GABBR2: variants seen among roughly 807,000 people sequenced by gnomAD.
GABBR2 encodes the protein G-protein coupled receptor 51.
In GABBR2, 23 loss-of-function variants were observed where a neutral mutation model predicts 105.6. The ratio of observed to expected loss-of-function variants is 0.22; its 90% CI spans 0.16 to 0.31. GABBR2 has a LOEUF of 0.31. Among genes scored for constraint, GABBR2 ranks in the 10% least tolerant of loss-of-function variants. The pLI is 1.00. For synonymous variants in GABBR2, 478 were observed against 499.7 expected (o/e 0.96, Z 0.58); for missense variants, 734 against 1,245.5 (o/e 0.59, Z 6.18).
intron 1 of GABBR2, among the ~76,000 whole-genome samples, chr9:98,585,430 G>C (rs1829055729): frequency 7.0e-6 from 1 of 142,296 alleles, no homozygotes. Context: ...TCATAGGTGG[G>C]AATTGAACAA....
chr9:98,381,230 C>T (rs957616391), intron 11 of GABBR2, among the ~76,000 whole-genome samples: 11 of 152,232 alleles, frequency 7.2e-5, no homozygotes, highest in Admixed American at 3.3e-4. Flanking sequence ...GCTCATTTTA[C>T]AGATGAGAAA....
At chr9:98,370,594 G>T (rs1831761103) in intron 12 of GABBR2, among the ~76,000 whole-genome samples, 1 of 152,182 alleles carries the variant, frequency 6.6e-6, no homozygotes, top group South Asian at 2.1e-4. Context: ...CCTGCTGCAG[G>T]CCTGAGCTGG....
intron 1 of GABBR2, 62 bp from the exon 2 acceptor site, chr9:98,578,134 A>T (rs1443651545): frequency 2.2e-5 from 34 of 1,576,736 alleles, no homozygotes; most frequent in Non-Finnish European, 2.9e-5. Flanking sequence ...CAGGGGCATG[A>T]GCCCAACAAA....
At position 98,389,000 on chromosome 9, in the gene GABBR2, G is replaced by C. The variant is rs55677951; in HGVS notation, c.1383C>G (p.Ser461=). The change falls in exon 10 of 19, where the codon TCC becomes TCG. Residue 461 remains serine, a synonymous_variant. Transcript: ENST00000259455. This position sits in a 1 kb window ranked among gnomAD's most constrained non-coding sequence, Gnocchi z 4.4. ...TGATGGTCTTGTCTTTTGGTGGTTC[G>C]GATCCTAGAGGATCAAGAGAAGACA... ...IINDTIRFQG[S]EPPKDKTIIL... 6.2e-7 allele frequency: 1 copy of C among 1,611,638 alleles called. No individual in the cohort carries two copies. The highest frequency in any genetic ancestry group is 8.5e-7 in the Non-Finnish European group (1 of 1,178,746).
chr9:98,461,899 C>G (rs778440676), intron 6 of GABBR2, among the ~76,000 whole-genome samples: 1 of 152,160 alleles, frequency 6.6e-6, no homozygotes, highest in Non-Finnish European at 1.5e-5. Flanking sequence ...CCTTAAACAG[C>G]CAGATCTCAC....
Position 98,432,356 on chromosome 9 carries a change from G to A in GABBR2, c.1236+21625C>T, listed in dbSNP as rs1588157629. ...GGGGTGGAGTCAGCAGGGCTTGGCA[G>A]ATGGAAGGGAGGAGTTGAAGATGAT... is the stretch of plus-strand genomic sequence containing the variant. On this transcript the variant is annotated intron_variant, in intron 7 of 18. Transcript: ENST00000259455. 3.9e-5 allele frequency among the ~76,000 whole-genome samples: 6 copies of A among 152,358 alleles called. 1 individual carries two copies. The South Asian group carries it at 1.2e-3, about 32-fold the overall frequency.
intron 1 of GABBR2, chr9:98,707,108 G>A (rs375976592): frequency 6.6e-6 from 1 of 152,240 alleles, no homozygotes; most frequent in Non-Finnish European, 1.5e-5. Context: ...TGAAGCGGGG[G>A]AGGCAGGGAA....
chr9:98,465,362 A>T (rs1826527382), intron 6 of GABBR2, among the ~76,000 whole-genome samples: 1 of 152,200 alleles, frequency 6.6e-6, no homozygotes, highest in South Asian at 2.1e-4. Flanking sequence ...AATCTTGATC[A>T]TTACCTCACA....
At chr9:98,310,993 C>T (rs1239655198) in intron 14 of GABBR2, 102 bp downstream of exon 14, 29 of 689,744 alleles carry the variant, frequency 4.2e-5, no homozygotes, top group Non-Finnish European at 6.0e-5. Context: ...ACTGCTTAGT[C>T]ATGGAGGCTC....
intron 6 of GABBR2, among the ~76,000 whole-genome samples, chr9:98,470,759 C>T (rs541195984): frequency 6.6e-6 from 1 of 151,920 alleles, no homozygotes; most frequent in South Asian, 2.1e-4. Flanking sequence ...TGAATCTGGT[C>T]TTTATTTAAA....
chr9:98,321,013 A>T (rs893714148), intron 13 of GABBR2, among the ~76,000 whole-genome samples: 1 of 152,130 alleles, frequency 6.6e-6, no homozygotes, highest in African/African-American at 2.4e-5. Flanking sequence ...AATAAAATTC[A>T]GGAACTGCTT....
At chr9:98,616,706 A>G (rs532553921) in intron 1 of GABBR2, among the ~76,000 whole-genome samples, 1 of 151,980 alleles carries the variant, frequency 6.6e-6, no homozygotes, top group South Asian at 2.1e-4. Flanking sequence ...GTAGGCCAAG[A>G]ATGCGCCACT....
chr9:98,448,327 T>C (rs10986308), intron 7 of GABBR2, among the ~76,000 whole-genome samples: 31,813 of 152,012 alleles, frequency 0.21, 3,654 homozygotes, highest in East Asian at 0.4. Flanking sequence ...CAAATGCTCT[T>C]GACACCTAAA....
chr9:98,426,620 C>A (rs963610849), intron 7 of GABBR2, among the ~76,000 whole-genome samples: 1 of 152,174 alleles, frequency 6.6e-6, no homozygotes, highest in African/African-American at 2.4e-5. Flanking sequence ...ACCCAGATGG[C>A]TCCACAAGGG....
At chr9:98,316,155 C>CT (rs3059584) in intron 13 of GABBR2, among the ~76,000 whole-genome samples, 19,091 of 146,194 alleles carry the variant, frequency 0.13, 1,316 homozygotes, top group East Asian at 0.19. Flanking sequence ...TTTCAACTGG[C>CT]TTTTTTTTTT....
rs1830261961 is a variant in GABBR2 at position 98,289,818 on chromosome 9, A to G, written c.*766T>C. 1 of 152,706 alleles carries G rather than the reference A, an allele frequency of 6.5e-6. No homozygotes were observed. The highest frequency in any genetic ancestry group is 2.4e-5 in the African/African-American group (1 of 41,442). 9.5% of individuals were successfully genotyped at this position (152,706 alleles called of 1,614,324 possible). ...ATGGCCAACGTGGTGGGTGCATGAC[A>G]GACTGTCGGTGAATGCTGCAGAGCG... On this transcript the variant is annotated 3_prime_UTR_variant, in exon 19 of 19. Coordinates refer to ENST00000259455, the MANE Select transcript of GABBR2 (RefSeq NM_005458.8).
intron 12 of GABBR2, among the ~76,000 whole-genome samples, chr9:98,364,130 T>C (rs1317276274): frequency 1.3e-5 from 2 of 152,156 alleles, no homozygotes; most frequent in Non-Finnish European, 2.9e-5. Flanking sequence ...GCAAAACCGC[T>C]GTACCTGGGG....
Position 98,439,099 on chromosome 9 carries a change from T to TA in GABBR2, c.1236+14881dup, listed in dbSNP as rs199972563. ...GCTTTCCTTTACTAAATATCTGCCT[T>TA]AAAAAAAAAACTGAAAAAAGAGTGC... is the stretch of plus-strand genomic sequence containing the variant. On this transcript the variant is annotated intron_variant, in intron 7 of 18. Transcript: ENST00000259455. Among the ~76,000 whole-genome samples, 980 of 148,510 alleles carry TA rather than the reference T, an allele frequency of 6.6e-3. 7 individuals carry two copies. Among genetic ancestry groups the TA allele is most frequent in the Middle Eastern group, 0.01 (3 of 290 alleles).
intron 1 of GABBR2, among the ~76,000 whole-genome samples, chr9:98,583,589 G>A (rs1164170554): frequency 6.6e-6 from 1 of 152,232 alleles, no homozygotes; most frequent in African/African-American, 2.4e-5. Flanking sequence ...TCTGGCCTCA[G>A]GAAGGGTGGG....
Sources: gnomAD v4.1 joint callset for allele counts (sites outside exome capture counted in the v4.1 genomes callset) on GRCh38, gnomAD v4.1.1 for gene constraint, Gnocchi (gnomAD v3.1) non-coding constraint, MANE v1.5 for transcripts, NCBI Gene and HGNC (gene_info 2026-07-23, HGNC 2026-07-21) for gene names.